Variants in SYTL2 observed in about 807,000 individuals in gnomAD.
SYTL2 encodes the protein synaptotagmin like 2, also known as synaptotagmin-like protein 2.
In SYTL2, 165 loss-of-function variants were observed where a neutral mutation model predicts 198.7. That is an observed-to-expected ratio of 0.83 (90% CI 0.73 to 0.94). The LOEUF (loss-of-function observed/expected upper bound fraction) is 0.94, where lower values mean the gene tolerates loss of function less well. SYTL2 is among the 40% of genes least tolerant of loss of function. The pLI, the probability that SYTL2 is intolerant of heterozygous loss-of-function variation, is 0.00. For synonymous variants in SYTL2, 966 were observed against 917.7 expected (o/e 1.05, Z -0.95); for missense variants, 2,835 against 2,582.8 (o/e 1.10, Z -2.12).
intron 6 of SYTL2, among the ~76,000 whole-genome samples, chr11:85,735,938 T>C (rs1206191105): frequency 6.6e-6 from 1 of 152,202 alleles, no homozygotes; most frequent in Non-Finnish European, 1.5e-5. Context: ...TCTTTAATGC[T>C]TGTGGAATCT....
chr11:85,851,038 A>C, the SYTL2 span, among the ~76,000 whole-genome samples: 1 of 69,012 alleles, frequency 1.4e-5, no homozygotes. Flanking sequence ...GGGTGGGGGG[A>C]GGGGGGAGGG....
chr11:85,853,189 T>G, the SYTL2 span: 1 of 406,338 alleles, frequency 2.5e-6, no homozygotes, highest in East Asian at 9.5e-5. Flanking sequence ...GAACAGGCCA[T>G]GATGACAATG....
Position 85,765,527 on chromosome 11 carries a change from G to A in SYTL2, c.-389-7413C>T, listed in dbSNP as rs57377824. On this transcript the variant is annotated intron_variant, in intron 1 of 19. Transcript: ENST00000359152. ...TGGGATTGCAGGCGTGAGCCACCGC[G>A]CCTGGCAGTTGCCATTTTTTATAGA... Among the ~76,000 whole-genome samples the A allele has an allele frequency of 4.1e-3, 627 of 152,266 alleles. 15 individuals carry two copies. The highest frequency in any genetic ancestry group is 4.6e-3 in the East Asian group (24 of 5,176).
chr11:85,722,005 T>C (rs546570461), intron 8 of SYTL2, among the ~76,000 whole-genome samples: 265 of 152,186 alleles, frequency 1.7e-3, no homozygotes, highest in Admixed American at 3.3e-3. Context: ...AGTACCCTTA[T>C]AGTAGGTTTC....
At chr11:85,831,616 A>G in the SYTL2 span, among the ~76,000 whole-genome samples, 6 of 152,350 alleles carry the variant, frequency 3.9e-5, no homozygotes, top group African/African-American at 1.4e-4. Context: ...TAAAAACACA[A>G]GAAAAATTCT....
intron 4 of SYTL2, among the ~76,000 whole-genome samples, chr11:85,739,033 T>C (rs1161092508): frequency 6.6e-6 from 1 of 152,186 alleles, no homozygotes; most frequent in African/African-American, 2.4e-5. Context: ...GAGCTGTACC[T>C]AGCTATGTAT....
chr11:85,833,074 A>AGAAG, the SYTL2 span, among the ~76,000 whole-genome samples: 3 of 44,988 alleles, frequency 6.7e-5, no homozygotes, highest in Admixed American at 2.6e-4. Flanking sequence ...AAAGAAAGAA[A>AGAAG]GAAAGAAAGA....
the SYTL2 span, among the ~76,000 whole-genome samples, chr11:85,821,822 T>C: frequency 1.3e-5 from 2 of 152,292 alleles, no homozygotes; most frequent in Admixed American, 6.5e-5. Context: ...CAGAGATGAA[T>C]GAGCCAACAT....
chr11:85,772,371 C>T (rs2092372300), intron 1 of SYTL2, among the ~76,000 whole-genome samples: 1 of 152,156 alleles, frequency 6.6e-6, no homozygotes, highest in African/African-American at 2.4e-5. Context: ...AAACAAATAG[C>T]CACAAGCATG....
At chr11:85,765,009 T>C (rs2092202701) in intron 1 of SYTL2, among the ~76,000 whole-genome samples, 1 of 152,232 alleles carries the variant, frequency 6.6e-6, no homozygotes, top group South Asian at 2.1e-4. Flanking sequence ...ATTTTGTTTC[T>C]GTGTGGTCAG....
rs1203750755 is a variant in SYTL2 at position 85,773,993 on chromosome 11, C to G, written c.-389-15879G>C. On this transcript the variant is annotated intron_variant, in intron 1 of 19. Coordinates refer to ENST00000359152, the MANE Select transcript of SYTL2 (RefSeq NM_206927.4). ...CTTTTACCAAGAGGAAGGAAAATCT[C>G]TAAAAGGAATAAATTATACACTAAA... Among the ~76,000 whole-genome samples, 4 of 144,896 alleles carry G rather than the reference C, an allele frequency of 2.8e-5. No homozygotes were observed. The East Asian group carries it at 8.2e-4, about 30-fold the overall frequency.
chr11:85,837,991 G>A, the SYTL2 span, among the ~76,000 whole-genome samples: 17 of 152,052 alleles, frequency 1.1e-4, no homozygotes, highest in African/African-American at 2.7e-4. Flanking sequence ...GTTATAGAAC[G>A]TTTAAAAGCA....
chr11:85,705,435 A>G (rs1436514403), intron 15 of SYTL2, among the ~76,000 whole-genome samples: 1 of 152,188 alleles, frequency 6.6e-6, no homozygotes, highest in Non-Finnish European at 1.5e-5. Context: ...GTCTTTTTAG[A>G]GCAGTTTTCG....
chr11:85,730,780 A>AT (rs1295712770), intron 7 of SYTL2, among the ~76,000 whole-genome samples: 3 of 152,144 alleles, frequency 2.0e-5, no homozygotes, highest in South Asian at 2.1e-4. Context: ...ATGGTATTCA[A>AT]ATAGGAAGAG....
chr11:85,794,810 T>C (rs553851157), intron 1 of SYTL2, among the ~76,000 whole-genome samples: 3 of 152,236 alleles, frequency 2.0e-5, no homozygotes, highest in African/African-American at 7.2e-5. Flanking sequence ...TATACAGAAG[T>C]AAAAGAAAAG....
At chr11:85,742,787 G>C (rs563201973) in intron 4 of SYTL2, among the ~76,000 whole-genome samples, 2 of 152,236 alleles carry the variant, frequency 1.3e-5, no homozygotes, top group East Asian at 3.9e-4. Flanking sequence ...ATGAAGTGCT[G>C]GTCCAACCAA....
At chr11:85,852,675 G>C in the SYTL2 span, 1 of 202,098 alleles carries the variant, frequency 4.9e-6, no homozygotes, top group South Asian at 6.9e-5. Flanking sequence ...TTCACTCAGT[G>C]CTCAATGTTG....
chr11:85,698,685 A>G (rs2083786069), intron 17 of SYTL2, among the ~76,000 whole-genome samples: 1 of 152,114 alleles, frequency 6.6e-6, no homozygotes, highest in South Asian at 2.1e-4. Context: ...AACTACAGGC[A>G]TGTGCCACCA....
intron 1 of SYTL2, among the ~76,000 whole-genome samples, chr11:85,797,838 T>TTTGTTG (rs532015361): frequency 9.3e-4 from 141 of 151,224 alleles, no homozygotes; most frequent in African/African-American, 3.2e-3. Flanking sequence ...CCACAAAGTT[T>TTTGTTG]TTGTTGTTGT....
Sources: allele counts gnomAD v4.1 joint callset (sites outside exome capture counted in the v4.1 genomes callset), GRCh38; gene constraint gnomAD v4.1.1; transcripts MANE v1.5; gene names NCBI Gene and HGNC (gene_info 2026-07-23, HGNC 2026-07-21).